The following IL1RAPL2 variants were observed in gnomAD, a reference collection of about 807,000 sequenced individuals.
IL1RAPL2 encodes X-linked interleukin-1 receptor accessory protein-like 2.
IL1RAPL2 carries 3 observed loss-of-function variants against 44.1 expected under a neutral mutation model. That is an observed-to-expected ratio of 0.07 (90% CI 0.03 to 0.18). IL1RAPL2 has a LOEUF of 0.18. IL1RAPL2 is among the 10% of genes least tolerant of loss of function. The probability of loss-of-function intolerance (pLI) is 1.00; values close to 1 mark genes in which losing one functional copy is unlikely to be tolerated. For synonymous variants in IL1RAPL2, 181 were observed against 178.8 expected (o/e 1.01, Z -0.10); for missense variants, 391 against 496.4 (o/e 0.79, Z 2.02).
intron 2 of IL1RAPL2, among the ~76,000 whole-genome samples, chrX:105,035,190 C>T (rs988230964): frequency 8.9e-5 from 10 of 111,854 alleles, no homozygotes; most frequent in Non-Finnish European, 1.7e-4. Flanking sequence ...CTTGCACTTC[C>T]CGAGTGAGGC....
chrX:104,642,603 G>T (rs1471855909), intron 1 of IL1RAPL2, among the ~76,000 whole-genome samples: 3 of 110,408 alleles, frequency 2.7e-5, no homozygotes, highest in African/African-American at 9.9e-5. Flanking sequence ...TTCTGCCTCA[G>T]CCTCCTGAGT....
At chrX:105,329,403 G>T (rs1355157213) in intron 5 of IL1RAPL2, among the ~76,000 whole-genome samples, 2 of 111,724 alleles carry the variant, frequency 1.8e-5, no homozygotes, top group Admixed American at 9.5e-5. Context: ...GCCTGAATTT[G>T]TATCTCTAGA....
intron 5 of IL1RAPL2, among the ~76,000 whole-genome samples, chrX:105,414,152 G>T (rs1168859675): frequency 1.8e-5 from 2 of 109,797 alleles, no homozygotes; most frequent in Non-Finnish European, 3.8e-5. Context: ...TTTTGAGACA[G>T]AGTCTCGCTG....
chrX:105,621,512 G>A (rs767029825), intron 6 of IL1RAPL2, among the ~76,000 whole-genome samples: 7 of 111,524 alleles, frequency 6.3e-5, no homozygotes, highest in South Asian at 3.7e-4. Context: ...TAGTGAGGCC[G>A]TCCTCTGGAA....
intron 1 of IL1RAPL2, among the ~76,000 whole-genome samples, chrX:104,628,189 G>T (rs945603486): frequency 9.0e-6 from 1 of 110,944 alleles, no homozygotes; most frequent in Non-Finnish European, 1.9e-5. Context: ...CTCTGTGTTG[G>T]GAACATTTCA....
chrX:105,017,188 C>G lies in IL1RAPL2; in HGVS notation c.83-178287C>G, dbSNP rs759331660. Among the ~76,000 whole-genome samples the G allele has an allele frequency of 5.4e-5, 6 of 110,183 alleles. No individual in the cohort carries two copies. In the South Asian group the frequency reaches 2.3e-3, roughly 42 times the overall value. ...TTTGTATTGTGTCTATTTGATTCTT[C>G]TTTCTTTTCTTCTTTATTAGTCTGT... On this transcript the variant is annotated intron_variant, in intron 2 of 10. Coordinates refer to ENST00000372582, the MANE Select transcript of IL1RAPL2 (RefSeq NM_017416.2).
intron 6 of IL1RAPL2, among the ~76,000 whole-genome samples, chrX:105,540,805 T>TTATATAATATATACATATATTATATATCA (rs1569452049): frequency 4.8e-3 from 8 of 1,678 alleles, no homozygotes; most frequent in African/African-American, 9.5e-3. Flanking sequence ...AATATATTAG[T>TTATATAATATATACATATATTATATATCA]TATATAATAT....
chrX:104,665,213 C>A (rs1263601979), intron 2 of IL1RAPL2, among the ~76,000 whole-genome samples: 1 of 111,003 alleles, frequency 9.0e-6, no homozygotes, highest in Non-Finnish European at 1.9e-5. Flanking sequence ...TCCAAGAAGT[C>A]TCACTCCCAT....
chrX:105,044,355 T>C (rs2031807523), intron 2 of IL1RAPL2, among the ~76,000 whole-genome samples: 1 of 110,762 alleles, frequency 9.0e-6, no homozygotes, highest in African/African-American at 3.3e-5. Context: ...CCTGAATCTC[T>C]ACTCCATCCC....
At chrX:105,608,294 G>A (rs907851131) in intron 6 of IL1RAPL2, among the ~76,000 whole-genome samples, 5 of 111,425 alleles carry the variant, frequency 4.5e-5, no homozygotes, top group African/African-American at 1.3e-4. Flanking sequence ...GCTCTTTTAA[G>A]TAATCAAGCT....
intron 3 of IL1RAPL2, among the ~76,000 whole-genome samples, chrX:105,211,544 C>T (rs1447326040): frequency 1.3e-4 from 14 of 111,293 alleles, no homozygotes; most frequent in African/African-American, 4.6e-4. Context: ...CCTAGAGACT[C>T]CTGGAATGCA....
chrX:104,938,006 T>C lies in IL1RAPL2; in HGVS notation c.83-257469T>C, dbSNP rs756320040. Reference sequence around the variant, plus strand: ...TCAGCTGCTGATTTCCATTTGGTTGTCCAGACAGAGCACTTTGCATTATTT... The same window carrying C: ...TCAGCTGCTGATTTCCATTTGGTTGCCCAGACAGAGCACTTTGCATTATTT... On this transcript the variant is annotated intron_variant, in intron 2 of 10. Coordinates refer to ENST00000372582, the MANE Select transcript of IL1RAPL2 (RefSeq NM_017416.2). Among the ~76,000 whole-genome samples, 23 of 112,453 alleles carry C rather than the reference T, an allele frequency of 2.0e-4. 1 individual carries two copies. The highest frequency in any genetic ancestry group is 7.1e-4 in the African/African-American group (22 of 30,981).
chrX:105,413,499 G>C (rs2035711789), intron 5 of IL1RAPL2, among the ~76,000 whole-genome samples: 1 of 111,628 alleles, frequency 9.0e-6, no homozygotes, highest in Admixed American at 9.5e-5. Context: ...GGGACCATGA[G>C]CCATGGAATG....
chrX:104,852,613 TTTA>T (rs757998098), intron 2 of IL1RAPL2, among the ~76,000 whole-genome samples: 1 of 111,766 alleles, frequency 8.9e-6, no homozygotes, highest in Non-Finnish European at 1.9e-5. Context: ...GTGTAAATGG[TTTA>T]TTAAGGGAGT....
At chrX:105,081,049 A>G (rs2032398781) in intron 2 of IL1RAPL2, among the ~76,000 whole-genome samples, 1 of 110,900 alleles carries the variant, frequency 9.0e-6, no homozygotes, top group Non-Finnish European at 1.9e-5. Flanking sequence ...AATGCTTGTG[A>G]TTTTTGCACA....
chrX:105,753,747 A>G (rs2038614607), intron 9 of IL1RAPL2, among the ~76,000 whole-genome samples: 1 of 112,021 alleles, frequency 8.9e-6, no homozygotes, highest in Admixed American at 9.4e-5. Context: ...TAATCCAACC[A>G]AGGTTTATGG....
At chrX:105,347,908 G>A (rs1159013519) in intron 5 of IL1RAPL2, among the ~76,000 whole-genome samples, 1 of 111,246 alleles carries the variant, frequency 9.0e-6, no homozygotes, top group African/African-American at 3.3e-5. Context: ...GAGCAAAATT[G>A]CTCCCAGTCG....
chrX:105,327,331 G>A (rs1309469016), intron 5 of IL1RAPL2, among the ~76,000 whole-genome samples: 1 of 111,716 alleles, frequency 9.0e-6, no homozygotes, highest in African/African-American at 3.3e-5. Context: ...ACATGACCAA[G>A]AAACATTCTT....
chrX:105,434,634 T>A (rs1334889477), intron 5 of IL1RAPL2, among the ~76,000 whole-genome samples: 3 of 112,081 alleles, frequency 2.7e-5, no homozygotes, highest in Non-Finnish European at 5.6e-5. Flanking sequence ...ATGGGTAGAT[T>A]GCAAAAATTT....
Sources: gnomAD v4.1 joint callset for allele counts (sites outside exome capture counted in the v4.1 genomes callset) on GRCh38, gnomAD v4.1.1 for gene constraint, MANE v1.5 for transcripts, NCBI Gene and HGNC (gene_info 2026-07-23, HGNC 2026-07-21) for gene names.